DTX1: variants seen among roughly 807,000 people sequenced by gnomAD.
DTX1 encodes E3 ubiquitin-protein ligase DTX1.
In DTX1, 26 loss-of-function variants were observed where a neutral mutation model predicts 57.8. The observed-to-expected ratio is 0.45, with a 90% CI of 0.33 to 0.62. The LOEUF is 0.62. DTX1 is among the 20% of genes least tolerant of loss of function. The pLI is 0.02. For missense variants in DTX1, 704 were observed against 895.3 expected (o/e 0.79, Z 2.73); for synonymous variants, 398 against 394.1 (o/e 1.01, Z -0.12).
rs1458897672 is a variant in DTX1 at position 113,077,687 on chromosome 12, C to T, written c.523C>T (p.Leu175Phe). The T allele has an allele frequency of 6.4e-7, 1 of 1,556,210 alleles. No homozygotes were observed. The highest frequency in any genetic ancestry group is 2.4e-5 in the East Asian group (1 of 41,450). The stretch of plus-strand genomic sequence containing the variant: ...CCGCCGCCTGCGCCGCCGCCTGGAC[C>T]TCGCCTACCCGCTCACCGTGGGCTC... ...RRRRLRRRLD[L>F]AYPLTVGSIP... The change falls in exon 3 of 10, where the codon CTC becomes TTC. Residue 175 changes from leucine to phenylalanine, a missense_variant. Coordinates refer to ENST00000548759, the MANE Select transcript of DTX1 (RefSeq NM_004416.3). The surrounding 1 kb of genome is among the most constrained non-coding windows in gnomAD (Gnocchi z 7.8).
chr12:113,088,889 C>T (rs1950226095), intron 3 of DTX1, among the ~76,000 whole-genome samples: 1 of 151,996 alleles, frequency 6.6e-6, no homozygotes, highest in African/African-American at 2.4e-5. Flanking sequence ...GTGGTGTGTG[C>T]CAGTAGTCCC....
rs1566021402 is a variant in DTX1, at chr12:113,093,663, G to A, written c.1128G>A (p.Gly376=). 1 of 1,613,682 alleles carries A rather than the reference G, an allele frequency of 6.2e-7. No individual in the cohort carries two copies. ...SDVKPVPGVP[G]VCRKTKKKHL... is the part of the protein sequence containing the mutation. The stretch of plus-strand genomic sequence containing the variant: ...TGAAGCCCGTGCCTGGCGTGCCCGG[G>A]GTGTGCCGCAAGACCAAGAAGAAGC... Residue 376 remains glycine (G), a synonymous_variant, in exon 5 of 10, where the codon GGG becomes GGA. Coordinates refer to ENST00000548759, the MANE Select transcript of DTX1 (RefSeq NM_004416.3). The surrounding 1 kb of genome is among the most constrained non-coding windows in gnomAD (Gnocchi z 4.2).
chr12:113,064,794 C>T (rs148592506), intron 2 of DTX1, among the ~76,000 whole-genome samples: 159 of 152,272 alleles, frequency 1.0e-3, no homozygotes, highest in African/African-American at 3.6e-3. Flanking sequence ...CACTCATGCT[C>T]GAGGAAGAAA....
intron 1 of DTX1, among the ~76,000 whole-genome samples, 195 bp from the exon 2 acceptor site, chr12:113,057,254 G>A (rs1288129323): frequency 6.6e-6 from 1 of 152,160 alleles, no homozygotes; most frequent in Non-Finnish European, 1.5e-5. Flanking sequence ...GGAGAGTCTC[G>A]GAAAACCGCG....
At chr12:113,072,629 T>C (rs534095536) in intron 2 of DTX1, among the ~76,000 whole-genome samples, 1 of 152,134 alleles carries the variant, frequency 6.6e-6, no homozygotes, top group Non-Finnish European at 1.5e-5. Context: ...TACCCCCATT[T>C]TATAGATAAG....
chr12:113,069,861 G>A (rs1013999572), intron 2 of DTX1, among the ~76,000 whole-genome samples: 5 of 152,188 alleles, frequency 3.3e-5, no homozygotes, highest in Non-Finnish European at 7.3e-5. Flanking sequence ...CTTGTTGTAG[G>A]AGACAGGTGA....
intron 3 of DTX1, among the ~76,000 whole-genome samples, chr12:113,083,335 CT>C (rs568195887): frequency 2.6e-4 from 39 of 149,876 alleles, no homozygotes; most frequent in Middle Eastern, 3.5e-3. Context: ...TTTACCAATA[CT>C]TTTTTTTTTG....
Position 113,093,705 on chromosome 12 carries a change from G to A in DTX1, c.1165+5G>A, listed in dbSNP as rs201609570. 1.2e-6 allele frequency: 2 copies of A among 1,612,434 alleles called. No homozygotes were observed. Among genetic ancestry groups the A allele is most frequent in the East Asian group, 4.5e-5 (2 of 44,830 alleles). ...AGAAGAAGCACCTTAAAAAGAGTAC[G>A]CCCTCCACGCCCTGCCTCACACGAG... On this transcript the variant is annotated splice_donor_5th_base_variant and intron_variant, in intron 5 of 9. Transcript: ENST00000548759. The surrounding 1 kb of genome is among the most constrained non-coding windows in gnomAD (Gnocchi z 4.2).
In DTX1 at chr12:113,077,577, C is replaced by G; in HGVS notation, c.413C>G (p.Pro138Arg). The change falls in exon 3 of 10, where the codon CCG becomes CGG. Residue 138 changes from proline (P) to arginine (R), a missense_variant. This residue lies in a region of DTX1 where 237 missense variants were observed against 328.6 expected (regional missense o/e 0.72). Coordinates refer to ENST00000548759, the MANE Select transcript of DTX1 (RefSeq NM_004416.3). The surrounding 1 kb of genome is among the most constrained non-coding windows in gnomAD (Gnocchi z 7.8). ...TIQNAYEKQHPWLDLSSLGFC... is the reference protein window; with the variant it reads ...TIQNAYEKQHRWLDLSSLGFC... ...CAGAACGCCTACGAGAAGCAGCACCCGTGGCTCGACCTCTCATCGCTAGGC... is the reference window on the plus strand; with the variant it reads ...CAGAACGCCTACGAGAAGCAGCACCGGTGGCTCGACCTCTCATCGCTAGGC... 6.2e-7 allele frequency: 1 copy of G among 1,613,770 alleles called. No homozygotes were observed. The highest frequency in any genetic ancestry group is 8.5e-7 in the Non-Finnish European group (1 of 1,179,932).
In DTX1 at chr12:113,093,528, CT is replaced by C. The variant is rs1050568370; in HGVS notation, c.1004-10del. On this transcript the variant is annotated splice_polypyrimidine_tract_variant and intron_variant, in intron 4 of 9. Transcript: ENST00000548759. This position sits in a 1 kb window ranked among gnomAD's most constrained non-coding sequence, Gnocchi z 4.2. ...GCGCCCCGCCCTGTGACTGCGCCCC[CT>C]AACCCCCAGGGATGACCGGGATACT... The C allele has an allele frequency of 6.3e-7, 1 of 1,594,582 alleles. No individual in the cohort carries two copies. Among genetic ancestry groups the C allele is most frequent in the Non-Finnish European group, 8.5e-7 (1 of 1,169,824 alleles).
At chr12:113,090,441 C>G (rs939553248) in intron 3 of DTX1, among the ~76,000 whole-genome samples, 6 of 152,190 alleles carry the variant, frequency 3.9e-5, no homozygotes, top group Non-Finnish European at 7.4e-5. Flanking sequence ...AATCAAGACA[C>G]CTCCACTCTC....
At chr12:113,070,179 C>A (rs74906421) in intron 2 of DTX1, among the ~76,000 whole-genome samples, 1 of 152,310 alleles carries the variant, frequency 6.6e-6, no homozygotes, top group East Asian at 1.9e-4. Context: ...CACACTCTTT[C>A]GCTTGAATGA....
chr12:113,088,964 A>G (rs1950226571), intron 3 of DTX1, among the ~76,000 whole-genome samples: 2 of 152,190 alleles, frequency 1.3e-5, no homozygotes, highest in Admixed American at 6.5e-5. Flanking sequence ...GCAGTAAGCA[A>G]TGGTTAAGCC....
At chr12:113,078,164 C>T in intron 3 of DTX1, 59 bp downstream of exon 3, 4 of 1,261,754 alleles carry the variant, frequency 3.2e-6, no homozygotes, top group African/African-American at 1.6e-5. Context: ...GGACGAAGCC[C>T]GGGGGTGGTT....
At position 113,057,856 on chromosome 12, in the gene DTX1, T is replaced by G; in HGVS notation, c.-337T>G. On this transcript the variant is annotated 5_prime_UTR_variant, in exon 2 of 10. Transcript: ENST00000548759. Reference sequence around the variant, plus strand: ...GAGACAACACGGAAGAGGCTGGACCTCGAACAGGGGCGGCTGCCTCACTCC... The same window carrying G: ...GAGACAACACGGAAGAGGCTGGACCGCGAACAGGGGCGGCTGCCTCACTCC... The G allele has an allele frequency of 3.3e-6, 1 of 303,656 alleles. No homozygotes were observed. Among genetic ancestry groups the G allele is most frequent in the Non-Finnish European group, 6.1e-6 (1 of 163,278 alleles). 18.8% of individuals were successfully genotyped at this position (303,656 alleles called of 1,614,324 possible).
At chr12:113,096,357 T>G (rs1179303521) in intron 9 of DTX1, among the ~76,000 whole-genome samples, 1 of 147,750 alleles carries the variant, frequency 6.8e-6, no homozygotes, top group Admixed American at 6.8e-5. Context: ...GGACGATTGT[T>G]GGAGCCCAGG....
chr12:113,062,416 T>C (rs145234735), intron 2 of DTX1, among the ~76,000 whole-genome samples: 1 of 152,358 alleles, frequency 6.6e-6, no homozygotes, highest in East Asian at 1.9e-4. Context: ...GAATTTCATA[T>C]CTTTTTCACG....
chr12:113,063,122 CCTCT>C (rs1257071871), intron 2 of DTX1, among the ~76,000 whole-genome samples: 1 of 152,200 alleles, frequency 6.6e-6, no homozygotes, highest in Non-Finnish European at 1.5e-5. Flanking sequence ...TCTTCATTTC[CCTCT>C]GTCTCCAACC....
chr12:113,076,766 TAAATG>T (rs2044774837), intron 2 of DTX1, among the ~76,000 whole-genome samples: 1 of 152,222 alleles, frequency 6.6e-6, no homozygotes, highest in Admixed American at 6.5e-5. Context: ...GTTGAATGAC[TAAATG>T]AAATAGTGCT....
Sources: gnomAD v4.1 joint callset for allele counts (sites outside exome capture counted in the v4.1 genomes callset) on GRCh38, gnomAD v4.1.1 for gene constraint, gnomAD v4.1.1 regional missense constraint, Gnocchi (gnomAD v3.1) non-coding constraint, MANE v1.5 for transcripts, NCBI Gene and HGNC (gene_info 2026-07-23, HGNC 2026-07-21) for gene names.